MEF2B: variants seen among roughly 807,000 people sequenced by gnomAD.
The protein encoded by MEF2B is myocyte-specific enhancer factor 2B.
A neutral mutation model predicts 32.2 loss-of-function variants in MEF2B; 15 were observed. That is an observed-to-expected ratio of 0.47 (90% CI 0.31 to 0.72). The LOEUF is 0.72. MEF2B is among the 30% of genes least tolerant of loss of function. The probability of loss-of-function intolerance (pLI) is 0.05; values close to 1 mark genes in which losing one functional copy is unlikely to be tolerated. For synonymous variants in MEF2B, 205 were observed against 225.6 expected, an observed-to-expected ratio of 0.91 and a Z score of 0.82; for missense variants, 441 against 511.5, an observed-to-expected ratio of 0.86 and a Z score of 1.33.
At chr19:19,147,927 C>T in intron 3 of MEF2B, 95 bp from the exon 4 acceptor site, 1 of 1,490,880 alleles carries the variant, frequency 6.7e-7, no homozygotes, top group Non-Finnish European at 8.9e-7. Flanking sequence ...CCCCACCCAG[C>T]TCCATGAGTG....
At position 19,149,276 on chromosome 19, in the gene MEF2B, T is replaced by C; in HGVS notation, c.208A>G (p.Thr70Ala). 1 of 1,613,896 alleles carries C rather than the reference T, an allele frequency of 6.2e-7. No homozygotes were observed. Among genetic ancestry groups the C allele is most frequent in the Non-Finnish European group, 8.5e-7 (1 of 1,179,980 alleles). The stretch of plus-strand genomic sequence containing the variant: ...CTCTCGTGGGGCTCGCTGTACTCTG[T>C]GTACTTCAGCAGCACACGGTCCATG... The part of the protein sequence containing the change: ...TDMDRVLLKY[T>A]EYSEPHESRT... Residue 70 changes from threonine to alanine, a missense_variant, in exon 3 of 9, where the codon ACA (threonine) becomes GCA (alanine). By Grantham distance (58) the Thr-to-Ala change is moderately conservative (BLOSUM62 0). This residue lies in a region of MEF2B where 115 missense variants were observed against 183.1 expected (regional missense o/e 0.63). Coordinates refer to ENST00000424583, the MANE Select transcript of MEF2B (RefSeq NM_001145785.2).
rs540795461 is a variant in MEF2B, at chr19:19,149,997, A to G, written c.55-568T>C. Among the ~76,000 whole-genome samples the G allele has an allele frequency of 4.0e-5, 6 of 149,930 alleles. No homozygotes were observed. The South Asian group carries it at 8.6e-4, about 21-fold the overall frequency. On this transcript the variant is annotated intron_variant, in intron 2 of 8. Transcript: ENST00000424583. Reference sequence around the variant, plus strand: ...CTGTTCGGAAAGCTGAGGCAGGAGAATCACTTGAACCCAGGAGGCGGAGCT... The same window carrying G: ...CTGTTCGGAAAGCTGAGGCAGGAGAGTCACTTGAACCCAGGAGGCGGAGCT...
chr19:19,157,886 T>C (rs76423806), intron 1 of MEF2B, among the ~76,000 whole-genome samples: 8,029 of 152,110 alleles, frequency 0.053, 307 homozygotes, highest in Non-Finnish European at 0.075. Flanking sequence ...CTGAGGCTGA[T>C]GGATATCAGA....
At chr19:19,169,785 CCACAGCAAGAAGGCATAGGGTT>C (rs2060238949) in intron 1 of MEF2B, among the ~76,000 whole-genome samples, 1 of 152,120 alleles carries the variant, frequency 6.6e-6, no homozygotes, top group Non-Finnish European at 1.5e-5. Context: ...GAGTGTACAC[CCACAGCAAGAAGGCATAGGGTT>C]GTGCACAGGG....
At chr19:19,154,423 A>G (rs1283062242) in intron 1 of MEF2B, among the ~76,000 whole-genome samples, 1 of 151,990 alleles carries the variant, frequency 6.6e-6, no homozygotes, top group Non-Finnish European at 1.5e-5. Flanking sequence ...TGGCCTCCCA[A>G]AGTGCTGGGA....
intron 1 of MEF2B, among the ~76,000 whole-genome samples, chr19:19,155,267 A>T (rs1487970617): frequency 6.6e-6 from 1 of 152,160 alleles, no homozygotes; most frequent in Non-Finnish European, 1.5e-5. Context: ...CTCTGACTAG[A>T]AGGACCCTTT....
At chr19:19,163,652 T>C (rs1404791124) in intron 1 of MEF2B, among the ~76,000 whole-genome samples, 1 of 151,986 alleles carries the variant, frequency 6.6e-6, no homozygotes, top group Non-Finnish European at 1.5e-5. Flanking sequence ...CAGTTTTCTG[T>C]TTTTCTTTTT....
At position 19,161,325 on chromosome 19, in the gene MEF2B, G is replaced by A. The variant is rs1051288840; in HGVS notation, c.-30+8880C>T. On this transcript the variant is annotated intron_variant, in intron 1 of 8. Coordinates refer to ENST00000424583, the MANE Select transcript of MEF2B (RefSeq NM_001145785.2). ...ACTCCATCCTTGTATGGGCATAATG[G>A]GAGGTAGAAATATTCCCCACACACG... is the stretch of plus-strand genomic sequence containing the variant. 2.0e-5 allele frequency among the ~76,000 whole-genome samples: 3 copies of A among 151,964 alleles called. No individual in the cohort carries two copies. In the South Asian group the frequency reaches 6.2e-4, roughly 32 times the overall value.
In MEF2B at chr19:19,147,153, C is replaced by T. The variant is rs1416516735; in HGVS notation, c.424G>A (p.Val142Met). The part of the protein sequence containing the change: ...PAAPAMPSPD[V>M]VYGALPPPGC... ...GGTGGCGGTAAGGCCCCGTATACCA[C>T]ATCTGGGCTGGGCATAGCAGGAGCT... is the stretch of plus-strand genomic sequence containing the variant. The change falls in exon 5 of 9, where the codon GTG becomes ATG. Residue 142 changes from valine to methionine, a missense_variant. Coordinates refer to ENST00000424583, the MANE Select transcript of MEF2B (RefSeq NM_001145785.2). The T allele has an allele frequency of 1.3e-6, 2 of 1,589,638 alleles. No homozygotes were observed. The highest frequency in any genetic ancestry group is 1.1e-5 in the South Asian group (1 of 87,928).
intron 1 of MEF2B, among the ~76,000 whole-genome samples, chr19:19,154,357 T>C (rs11085252): frequency 0.57 from 85,851 of 151,842 alleles, 24,943 homozygotes; most frequent in East Asian, 0.75. Context: ...AAAGATGGTG[T>C]TTCACCATAT....
At chr19:19,154,411 C>G (rs1413250063) in intron 1 of MEF2B, among the ~76,000 whole-genome samples, 1 of 152,134 alleles carries the variant, frequency 6.6e-6, no homozygotes, top group African/African-American at 2.4e-5. Context: ...ATCCGCCCGC[C>G]TTGGCCTCCC....
chr19:19,145,675 C>G lies in MEF2B; in HGVS notation c.*122G>C. The G allele has an allele frequency of 6.5e-7, 1 of 1,543,922 alleles. No individual in the cohort carries two copies. Among genetic ancestry groups the G allele is most frequent in the South Asian group, 1.2e-5 (1 of 83,796 alleles). ...GAGTCCAGCCGCCCACCTCCAAGCC[C>G]CCACCGCGGAGGGGGGCGTCACTGT... On this transcript the variant is annotated 3_prime_UTR_variant, in exon 9 of 9. Coordinates refer to ENST00000424583, the MANE Select transcript of MEF2B (RefSeq NM_001145785.2). The surrounding 1 kb of genome is among the most constrained non-coding windows in gnomAD (Gnocchi z 4.6).
At chr19:19,162,776 G>A (rs962903060) in intron 1 of MEF2B, among the ~76,000 whole-genome samples, 2 of 152,190 alleles carry the variant, frequency 1.3e-5, no homozygotes, top group African/African-American at 4.8e-5. Flanking sequence ...CATGCACAGA[G>A]AGGCCAGGGC....
In MEF2B at chr19:19,149,321, A is replaced by G. The variant is rs2060053891; in HGVS notation, c.163T>C (p.Phe55Leu). 6.2e-7 allele frequency: 1 copy of G among 1,613,792 alleles called. No homozygotes were observed. Among genetic ancestry groups the G allele is most frequent in the African/African-American group, 1.3e-5 (1 of 74,886 alleles). Residue 55 changes from phenylalanine (F) to leucine (L), a missense_variant, in exon 3 of 9, where the codon TTC becomes CTC. Physicochemically the swap from Phe to Leu is conservative, Grantham distance 22. Coordinates refer to ENST00000424583, the MANE Select transcript of MEF2B (RefSeq NM_001145785.2). ...TCCATGTCCGTGCTGGCATACTGGA[A>G]GAGGCGGTTGGCGCTGTTGAAGATG... ...LIIFNSANRL[F>L]QYASTDMDRV...
intron 1 of MEF2B, among the ~76,000 whole-genome samples, chr19:19,153,030 C>T (rs1205545256): frequency 6.6e-6 from 1 of 152,230 alleles, no homozygotes; most frequent in Non-Finnish European, 1.5e-5. Flanking sequence ...GATATGTTGC[C>T]CCCACCCTGA....
chr19:19,148,807 G>T (rs1389158736), intron 3 of MEF2B, among the ~76,000 whole-genome samples: 1 of 151,908 alleles, frequency 6.6e-6, no homozygotes. Context: ...CGCCTCCCGG[G>T]TTCAAGCAAT....
chr19:19,158,234 C>G (rs1249666811), intron 1 of MEF2B, among the ~76,000 whole-genome samples: 1 of 151,484 alleles, frequency 6.6e-6, no homozygotes, highest in Non-Finnish European at 1.5e-5. Flanking sequence ...ATTACAGGTG[C>G]CTGCCACTGT....
intron 1 of MEF2B, among the ~76,000 whole-genome samples, chr19:19,166,298 G>A (rs954788628): frequency 6.6e-6 from 1 of 152,032 alleles, no homozygotes; most frequent in Non-Finnish European, 1.5e-5. Flanking sequence ...TGGGCCGCAG[G>A]GTATCAGGGT....
chr19:19,145,828 C>A lies in MEF2B; in HGVS notation c.1076G>T (p.Arg359Leu). The change falls in exon 9 of 9, where the codon CGG becomes CTG. Residue 359 changes from arginine (R) to leucine (L), a missense_variant. Arg to Leu is a moderately radical substitution (Grantham distance 102). Transcript: ENST00000424583. The surrounding 1 kb of genome is among the most constrained non-coding windows in gnomAD (Gnocchi z 4.6). ...GGGCCAGCCGTCGGCCAAGGGCAGC[C>A]GGCGCAGGGCGGGCCCAGGCCGCAG... is the stretch of plus-strand genomic sequence containing the variant. ...EPLRPGPALR[R>L]LPLADGWPR The A allele has an allele frequency of 3.9e-6, 6 of 1,525,656 alleles. No individual in the cohort carries two copies. The highest frequency in any genetic ancestry group is 5.3e-6 in the Non-Finnish European group (6 of 1,133,046). 94.5% of individuals were successfully genotyped at this position (1,525,656 alleles called of 1,614,324 possible).
Sources: allele counts gnomAD v4.1 joint callset (sites outside exome capture counted in the v4.1 genomes callset), GRCh38; gene constraint gnomAD v4.1.1; regional missense constraint gnomAD v4.1.1; non-coding constraint Gnocchi (gnomAD v3.1); transcripts MANE v1.5; gene names NCBI Gene and HGNC (gene_info 2026-07-23, HGNC 2026-07-21).